PARD3B: variants seen among roughly 807,000 people sequenced by gnomAD.
PARD3B encodes par-3 family cell polarity regulator beta.
Under a neutral mutation model 130.2 loss-of-function variants are expected in PARD3B, and 103 were observed. That is an observed-to-expected ratio of 0.79 (90% CI 0.67 to 0.93). PARD3B has a LOEUF of 0.93. PARD3B is among the 40% of genes least tolerant of loss of function. PARD3B has a pLI of 0.00. For missense variants in PARD3B, 1,609 were observed against 1,499.2 expected, an observed-to-expected ratio of 1.07 and a Z score of -1.21; for synonymous variants, 583 against 553.2, an observed-to-expected ratio of 1.05 and a Z score of -0.76.
At chr2:204,881,478 A>G (rs576811770) in intron 2 of PARD3B, among the ~76,000 whole-genome samples, 1 of 151,932 alleles carries the variant, frequency 6.6e-6, no homozygotes, top group South Asian at 2.1e-4. Flanking sequence ...AATGAGGGAG[A>G]GTTAAGCTTT....
In PARD3B at chr2:204,833,471, A is replaced by T. The variant is rs528246330; in HGVS notation, c.223-131681A>T. On this transcript the variant is annotated intron_variant, in intron 2 of 22. Coordinates refer to ENST00000406610, the MANE Select transcript of PARD3B (RefSeq NM_001302769.2). The stretch of plus-strand genomic sequence containing the variant: ...TGCCCCTTCTGATTGAAACCCTTCG[A>T]TATGGTTTGGCTGTGTCCCCACCCA... 2.0e-3 allele frequency among the ~76,000 whole-genome samples: 299 copies of T among 151,942 alleles called. 1 individual carries two copies. The highest frequency in any genetic ancestry group is 3.5e-3 in the Admixed American group (53 of 15,264).
intron 21 of PARD3B, among the ~76,000 whole-genome samples, chr2:205,549,643 T>C (rs1559205111): frequency 6.6e-6 from 1 of 152,154 alleles, no homozygotes; most frequent in Non-Finnish European, 1.5e-5. Context: ...GAGTGATGAA[T>C]AGGCAGAGCA....
intron 16 of PARD3B, among the ~76,000 whole-genome samples, chr2:205,271,119 G>A (rs1000967252): frequency 3.3e-5 from 5 of 152,182 alleles, no homozygotes; most frequent in African/African-American, 9.7e-5. Flanking sequence ...TACCTGAAGT[G>A]TACCTTAAAT....
In PARD3B at chr2:204,675,339, T is replaced by G. The variant is rs548540839; in HGVS notation, c.121-10842T>G. 1.3e-5 allele frequency among the ~76,000 whole-genome samples: 2 copies of G among 152,128 alleles called. No individual in the cohort carries two copies. The highest frequency in any genetic ancestry group is 4.8e-5 in the African/African-American group (2 of 41,440). On this transcript the variant is annotated intron_variant, in intron 1 of 22. Coordinates refer to ENST00000406610, the MANE Select transcript of PARD3B (RefSeq NM_001302769.2). The surrounding 1 kb of genome is among the most constrained non-coding windows in gnomAD (Gnocchi z 4.4). Reference sequence around the variant, plus strand: ...TGCATTAAATATCTTTAATTTTTTTTAATTTCAGACTTTTAACGTTTAATT... The same window carrying G: ...TGCATTAAATATCTTTAATTTTTTTGAATTTCAGACTTTTAACGTTTAATT...
Position 204,582,510 on chromosome 2 carries a change from C to CT in PARD3B, c.120+36391_120+36392insT, listed in dbSNP as rs1171119266. On this transcript the variant is annotated intron_variant, in intron 1 of 22. Coordinates refer to ENST00000406610, the MANE Select transcript of PARD3B (RefSeq NM_001302769.2). ...GTGAAAATAGATTGAGGTTCCCCCC[C>CT]CTCATTTCACACTATTAAAAGAGTG... Among the ~76,000 whole-genome samples, 7 of 152,034 alleles carry CT rather than the reference C, an allele frequency of 4.6e-5. 1 individual carries two copies. Among genetic ancestry groups the CT allele is most frequent in the South Asian group, 2.1e-4 (1 of 4,790 alleles).
intron 16 of PARD3B, among the ~76,000 whole-genome samples, chr2:205,296,965 A>G (rs1049343323): frequency 1.3e-5 from 2 of 151,834 alleles, no homozygotes; most frequent in African/African-American, 4.8e-5. Context: ...TTTTTATTAT[A>G]CCACCTTGAG....
chr2:204,866,983 C>T (rs1356859332), intron 2 of PARD3B, among the ~76,000 whole-genome samples: 1 of 152,044 alleles, frequency 6.6e-6, no homozygotes, highest in East Asian at 1.9e-4. Flanking sequence ...GCAGGAGAAT[C>T]TCCTGAAACC....
At chr2:204,953,617 G>A (rs1689999698) in intron 2 of PARD3B, among the ~76,000 whole-genome samples, 1 of 151,972 alleles carries the variant, frequency 6.6e-6, no homozygotes, top group Admixed American at 6.6e-5. Context: ...TTTTCTTTTT[G>A]AACTTGGAAA....
Position 204,974,379 on chromosome 2 carries a change from A to G in PARD3B, c.394+9056A>G, listed in dbSNP as rs552526885. Reference sequence around the variant, plus strand: ...ACCTTATCACAACCTATTTAAAATCATAACACTTATATTTGGTGTTTTAAG... The same window carrying G: ...ACCTTATCACAACCTATTTAAAATCGTAACACTTATATTTGGTGTTTTAAG... On this transcript the variant is annotated intron_variant, in intron 3 of 22. Coordinates refer to ENST00000406610, the MANE Select transcript of PARD3B (RefSeq NM_001302769.2). Among the ~76,000 whole-genome samples, 22 of 152,370 alleles carry G rather than the reference A, an allele frequency of 1.4e-4. No individual in the cohort carries two copies. In the South Asian group the frequency reaches 4.3e-3, roughly 30 times the overall value.
chr2:205,505,083 G>A (rs1471735251), intron 21 of PARD3B, among the ~76,000 whole-genome samples: 5 of 152,046 alleles, frequency 3.3e-5, no homozygotes, highest in African/African-American at 7.2e-5. Flanking sequence ...AGTTCATGTC[G>A]TTTGTAGGGA....
At chr2:205,499,868 A>T in intron 20 of PARD3B, 28 bp from the exon 21 acceptor site, 1 of 1,606,474 alleles carries the variant, frequency 6.2e-7, no homozygotes, top group Admixed American at 1.7e-5. Context: ...ACACTGTGTG[A>T]ATCTGATTAT....
intron 3 of PARD3B, among the ~76,000 whole-genome samples, chr2:204,987,352 A>ATATT (rs1439034814): frequency 6.6e-6 from 1 of 152,254 alleles, no homozygotes; most frequent in East Asian, 1.9e-4. Flanking sequence ...AATTCTGAAA[A>ATATT]TATTGCCAGA....
intron 11 of PARD3B, among the ~76,000 whole-genome samples, chr2:205,164,206 T>A (rs2034670984): frequency 1.3e-5 from 2 of 152,228 alleles, no homozygotes; most frequent in Admixed American, 6.5e-5. Flanking sequence ...TTTTCCGTTT[T>A]AAAAAAATCT....
At chr2:205,438,552 G>A (rs2047599338) in intron 19 of PARD3B, among the ~76,000 whole-genome samples, 1 of 152,150 alleles carries the variant, frequency 6.6e-6, no homozygotes, top group South Asian at 2.1e-4. Flanking sequence ...TATCATCAGG[G>A]TGCAGCAAGC....
At chr2:205,025,079 G>GTATTGTTGCTGTT (rs1696913430) in intron 3 of PARD3B, among the ~76,000 whole-genome samples, 1 of 152,152 alleles carries the variant, frequency 6.6e-6, no homozygotes, top group Non-Finnish European at 1.5e-5. Context: ...CTGCATCTTT[G>GTATTGTTGCTGTT]TATTGTTGCT....
At chr2:204,701,432 A>G (rs1416773003) in intron 2 of PARD3B, among the ~76,000 whole-genome samples, 1 of 152,044 alleles carries the variant, frequency 6.6e-6, no homozygotes, top group African/African-American at 2.4e-5. Flanking sequence ...GAATATTCTG[A>G]TTTCTGGTGT....
rs2055544958 is a variant in PARD3B, at chr2:205,619,884, G to A, written c.*4071G>A. 1.3e-5 allele frequency: 2 copies of A among 152,116 alleles called. No individual in the cohort carries two copies. The highest frequency in any genetic ancestry group is 1.3e-4 in the Admixed American group (2 of 15,278). The allele number at this position is 152,116 out of a possible 1,614,324, so 9.4% of individuals were successfully genotyped here. ...AAGTGTTCTCCTGTTCCATCTGTAG[G>A]GCTGCTTACTACTGGAACCTAAAAC... On this transcript the variant is annotated 3_prime_UTR_variant, in exon 23 of 23. Transcript: ENST00000406610.
At chr2:204,750,341 G>C (rs1171093078) in intron 2 of PARD3B, among the ~76,000 whole-genome samples, 1 of 152,144 alleles carries the variant, frequency 6.6e-6, no homozygotes, top group Non-Finnish European at 1.5e-5. Context: ...CCAGCACTTT[G>C]GGAGGCCAAG....
intron 4 of PARD3B, among the ~76,000 whole-genome samples, chr2:205,084,690 A>C (rs1255989486): frequency 6.6e-6 from 1 of 151,864 alleles, no homozygotes; most frequent in Non-Finnish European, 1.5e-5. Flanking sequence ...CCTAATGTGC[A>C]GTGGTGAGGT....
Sources: allele counts gnomAD v4.1 joint callset (sites outside exome capture counted in the v4.1 genomes callset), GRCh38; gene constraint gnomAD v4.1.1; non-coding constraint Gnocchi (gnomAD v3.1); transcripts MANE v1.5; gene names NCBI Gene and HGNC (gene_info 2026-07-23, HGNC 2026-07-21).